CHRNE: variants seen among roughly 807,000 people sequenced by gnomAD.
CHRNE encodes acetylcholine receptor subunit epsilon.
A neutral mutation model predicts 56.5 loss-of-function variants in CHRNE; 58 were observed. The observed-to-expected ratio is 1.03, with a 90% CI of 0.83 to 1.28. The LOEUF (loss-of-function observed/expected upper bound fraction) is 1.28. Ranked by LOEUF, CHRNE falls within the 50% of genes most tolerant of loss-of-function variation. CHRNE has a pLI of 0.00. For missense variants in CHRNE, 793 were observed against 688.9 expected, an observed-to-expected ratio of 1.15 and a Z score of -1.69; for synonymous variants, 385 against 297.9, an observed-to-expected ratio of 1.29 and a Z score of -3.01.
rs753512613 is a variant in CHRNE at position 4,898,747 on chromosome 17, T to C, written c.1471A>G (p.Ile491Val). Residue 491 changes from isoleucine to valine, a missense_variant, in exon 12 of 12, where the codon ATC becomes GTC. Transcript: ENST00000649488. ...RVPDLPYAPC[I>V]QP ...GAAGTCGGTGCGAGCTAAGGCTGGATACACGGCGCGTAGGGGAGATCAGGC... is the reference window on the plus strand; with the variant it reads ...GAAGTCGGTGCGAGCTAAGGCTGGACACACGGCGCGTAGGGGAGATCAGGC... 2.3e-5 allele frequency: 37 copies of C among 1,610,972 alleles called. 2 individuals are homozygous for C. Among genetic ancestry groups the C allele is most frequent in the Middle Eastern group, 3.3e-4 (2 of 6,084 alleles).
Position 4,897,862 on chromosome 17 carries a change from A to AC in CHRNE, c.*873dup, listed in dbSNP as rs1211222635. The AC allele has an allele frequency of 3.4e-5, 4 of 116,982 alleles. No homozygotes were observed. Among genetic ancestry groups the AC allele is most frequent in the East Asian group, 4.6e-4 (2 of 4,350 alleles). The allele number at this position is 116,982 out of a possible 1,614,324, so 7.2% of individuals were successfully genotyped here. A position where few individuals can be genotyped will look rare whatever the true frequency, so the allele number is the denominator to read the frequency against. On this transcript the variant is annotated 3_prime_UTR_variant, in exon 12 of 12. Transcript: ENST00000649488. ...AGCCAAAACATTCCCCCCATTCCCG[A>AC]CCCCCCTCTCCTCTTCTAGCCCATG...
intron 8 of CHRNE, 44 bp downstream of exon 8, chr17:4,900,749 C>CA: frequency 6.3e-7 from 1 of 1,577,106 alleles, no homozygotes; most frequent in Non-Finnish European, 8.7e-7. Context: ...GCCACGCCCC[C>CA]ACCCTTCACA....
At chr17:4,899,406 G>A (rs1284578316) in intron 9 of CHRNE, 22 bp from the exon 10 acceptor site, 4 of 1,539,148 alleles carry the variant, frequency 2.6e-6, no homozygotes, top group African/African-American at 1.4e-5. Context: ...GCGGGGCTTA[G>A]GGGACGAGGT....
In CHRNE at chr17:4,899,749, C is replaced by T. The variant is rs1236120748; in HGVS notation, c.918-167G>A. The T allele has an allele frequency of 5.2e-6, 8 of 1,550,680 alleles. No individual in the cohort carries two copies. In the Admixed American group the frequency reaches 7.8e-5, roughly 15 times the overall value. On this transcript the variant is annotated intron_variant, in intron 8 of 11. Coordinates refer to ENST00000649488, the MANE Select transcript of CHRNE (RefSeq NM_000080.4). ...TCCCCCAGCCCTTCTCCTGTCCTAC[C>T]ACTTGTGGCGGCCATGAAGGGGACC...
rs760043533 is a variant in CHRNE at position 4,902,085 on chromosome 17, A to G, written c.347T>C (p.Ile116Thr). 2 of 1,613,918 alleles carry G rather than the reference A, an allele frequency of 1.2e-6. No individual in the cohort carries two copies. Among genetic ancestry groups the G allele is most frequent in the Non-Finnish European group, 1.7e-6 (2 of 1,179,968 alleles). The stretch of plus-strand genomic sequence containing the variant: ...GTAGGCCACTCCGAACTGGCCATCA[A>G]TACTGTGGGCTCGGGGAAACCGAGC... ...WLPEIVLENN[I>T]DGQFGVAYDA... Residue 116 changes from isoleucine (I) to threonine (T), a missense_variant and splice_region_variant, in exon 5 of 12, where the codon ATT (isoleucine) becomes ACT (threonine). Physicochemically the swap from Ile to Thr is moderately conservative, Grantham distance 89. Coordinates refer to ENST00000649488, the MANE Select transcript of CHRNE (RefSeq NM_000080.4). The surrounding 1 kb of genome is among the most constrained non-coding windows in gnomAD (Gnocchi z 4.0).
At chr17:4,905,303 A>T (rs1333769742), upstream of CHRNE, among the ~76,000 whole-genome samples, 1 of 152,132 alleles carries the variant, frequency 6.6e-6, no homozygotes, top group East Asian at 1.9e-4. Flanking sequence ...AATCCTAACT[A>T]TTTGGGAGGC....
chr17:4,899,252 GCTT>G lies in CHRNE; in HGVS notation c.1162_1164del (p.Lys388del), dbSNP rs763532183. 1.2e-6 allele frequency: 2 copies of G among 1,606,004 alleles called. No homozygotes were observed. Among genetic ancestry groups the G allele is most frequent in the South Asian group, 2.2e-5 (2 of 90,822 alleles). On this transcript the variant is annotated inframe_deletion, in exon 10 of 12. Coordinates refer to ENST00000649488, the MANE Select transcript of CHRNE (RefSeq NM_000080.4). Reference sequence around the variant, plus strand: ...CCCTCAAACACGAGCTCGCTCCGTGGCTTTTTCAGTATCAGCTCCTCCGCGCGG... The same window carrying G: ...CCCTCAAACACGAGCTCGCTCCGTGGTTTCAGTATCAGCTCCTCCGCGCGG...
Position 4,898,701 on chromosome 17 carries a change from A to G in CHRNE, c.*35T>C, listed in dbSNP as rs1173449719. The G allele has an allele frequency of 1.3e-6, 2 of 1,597,988 alleles. No individual in the cohort carries two copies. The highest frequency in any genetic ancestry group is 4.5e-5 in the East Asian group (2 of 44,378). On this transcript the variant is annotated 3_prime_UTR_variant, in exon 12 of 12. Coordinates refer to ENST00000649488, the MANE Select transcript of CHRNE (RefSeq NM_000080.4). ...CCTACTTTTTCAAAATCAATTTCCTACTGGAGATGGGTGGGAAATTGAAGT... is the reference window on the plus strand; with the variant it reads ...CCTACTTTTTCAAAATCAATTTCCTGCTGGAGATGGGTGGGAAATTGAAGT...
At chr17:4,900,382 G>A in intron 8 of CHRNE, 1 of 1,549,780 alleles carries the variant, frequency 6.5e-7, no homozygotes, top group Non-Finnish European at 8.7e-7. Context: ...GCTGCGGTGG[G>A]CGCCAGCGCC....
At chr17:4,900,035 C>T in intron 8 of CHRNE, 1 of 1,551,410 alleles carries the variant, frequency 6.4e-7, no homozygotes, top group Non-Finnish European at 8.7e-7. Flanking sequence ...GTCCCTGGAG[C>T]CACCCGAACC....
chr17:4,899,194 T>G lies in CHRNE; in HGVS notation c.1219+4A>C, dbSNP rs1969847442. On this transcript the variant is annotated splice_donor_region_variant and intron_variant, in intron 10 of 11. Coordinates refer to ENST00000649488, the MANE Select transcript of CHRNE (RefSeq NM_000080.4). ...GCCCCCCGGGCCAGGGCCACTGTGC[T>G]CACCCGTCCAGGTCCCCTGCCGGTG... The G allele has an allele frequency of 4.4e-6, 7 of 1,601,870 alleles. No individual in the cohort carries two copies. The highest frequency in any genetic ancestry group is 5.9e-6 in the Non-Finnish European group (7 of 1,176,734).
Position 4,902,037 on chromosome 17 carries a change from T to A in CHRNE, c.395A>T (p.Glu132Val). ...VAYDANVLVY[E>V]GGSVTWLPPA... ...AGGCAGCCACGTCACGGAGCCGCCC[T>A]CGTAGACGAGCACGTTGGCGTCGTA... is the stretch of plus-strand genomic sequence containing the variant. The change falls in exon 5 of 12, where the codon GAG becomes GTG. Residue 132 changes from glutamate (E) to valine (V), a missense_variant. By Grantham distance (121) the Glu-to-Val change is moderately radical. Transcript: ENST00000649488. This position sits in a 1 kb window ranked among gnomAD's most constrained non-coding sequence, Gnocchi z 4.0. The A allele has an allele frequency of 6.2e-7, 1 of 1,614,096 alleles. No homozygotes were observed. The highest frequency in any genetic ancestry group is 8.5e-7 in the Non-Finnish European group (1 of 1,180,038).
chr17:4,905,656 T>C (rs779809956), upstream of CHRNE, among the ~76,000 whole-genome samples: 1 of 151,482 alleles, frequency 6.6e-6, no homozygotes, highest in Non-Finnish European at 1.5e-5. Flanking sequence ...AGGTCAAGAG[T>C]TCGAGACCAG....
chr17:4,907,566 C>CAA (rs34317332), upstream of CHRNE, among the ~76,000 whole-genome samples: 134 of 60,988 alleles, frequency 2.2e-3, 1 homozygote, highest in Middle Eastern at 0.01. Context: ...GACTCAGTCT[C>CAA]AAAAAAAAAA....
chr17:4,906,939 G>A (rs1970098878), upstream of CHRNE, among the ~76,000 whole-genome samples: 1 of 152,158 alleles, frequency 6.6e-6, no homozygotes, highest in Non-Finnish European at 1.5e-5. Flanking sequence ...AAATAAGCCA[G>A]GCACAGAAAG....
intron 5 of CHRNE, 101 bp from the exon 6 acceptor site, chr17:4,901,726 A>T (rs1340286647): frequency 7.6e-7 from 1 of 1,313,726 alleles, no homozygotes; most frequent in African/African-American, 1.5e-5. Context: ...CGCGATCCCA[A>T]GCCCACCCCT....
At chr17:4,900,188 G>T (rs1052539405) in intron 8 of CHRNE, 6 of 1,543,800 alleles carry the variant, frequency 3.9e-6, no homozygotes, top group Non-Finnish European at 4.4e-6. Flanking sequence ...ATCGGGTAGC[G>T]GGAACAAGGA....
At chr17:4,901,797 T>A in intron 5 of CHRNE, 135 bp downstream of exon 5, 2 of 1,377,240 alleles carry the variant, frequency 1.5e-6, no homozygotes, top group Non-Finnish European at 2.0e-6. Context: ...CGCTGGAGCG[T>A]CCCACCCAGT....
Position 4,908,126 on chromosome 17 carries a change from G to A in CHRNE, c.-887-5363C>T, listed in dbSNP as rs113878104. Among the ~76,000 whole-genome samples, 746 of 152,054 alleles carry A rather than the reference G, an allele frequency of 4.9e-3. 12 individuals carry two copies. The East Asian group carries it at 0.054, about 11-fold the overall frequency. ...TCAGAGGTTGCGGTGAGCCTAGATC[G>A]TGCCATTGCACTCCAGCCTGGTGAC... On this transcript the variant is annotated intron_variant, in intron 1 of 10. Coordinates refer to the CHRNE transcript ENST00000649830.
Sources: gnomAD v4.1 joint callset for allele counts (sites outside exome capture counted in the v4.1 genomes callset) on GRCh38, gnomAD v4.1.1 for gene constraint, Gnocchi (gnomAD v3.1) non-coding constraint, MANE v1.5 for transcripts, NCBI Gene and HGNC (gene_info 2026-07-23, HGNC 2026-07-21) for gene names.